The following KYNU variants were observed in gnomAD, a reference collection of about 807,000 sequenced individuals.
KYNU encodes kynureninase.
KYNU carries 54 observed loss-of-function variants against 59.2 expected under a neutral mutation model. The ratio of observed to expected loss-of-function variants is 0.91; its 90% CI spans 0.73 to 1.14. The LOEUF is 1.14. KYNU is among the 50% of genes most tolerant of loss of function. The pLI is 0.00. For synonymous variants in KYNU, 177 were observed against 192.0 expected (o/e 0.92, Z 0.65); for missense variants, 567 against 554.4 (o/e 1.02, Z -0.23).
chr2:142,989,287 C>A, intron 10 of KYNU: 1 of 698,544 alleles, frequency 1.4e-6, no homozygotes, highest in Non-Finnish European at 1.8e-6. Context: ...CCACGATTAG[C>A]TGGTTTAACT....
chr2:142,927,871 A>T (rs1683094488), intron 4 of KYNU, 130 bp downstream of exon 4: 1 of 671,516 alleles, frequency 1.5e-6, no homozygotes, highest in African/African-American at 1.8e-5. Context: ...CTATAATAGT[A>T]AAAAGGAAGT....
chr2:142,903,626 C>T (rs1031788603), intron 2 of KYNU, among the ~76,000 whole-genome samples: 1 of 152,068 alleles, frequency 6.6e-6, no homozygotes, highest in Admixed American at 6.5e-5. Context: ...CCTCCTGGCC[C>T]TCAATGGTTA....
intron 1 of KYNU, among the ~76,000 whole-genome samples, chr2:142,883,940 T>C (rs1258011932): frequency 6.6e-6 from 1 of 152,202 alleles, no homozygotes; most frequent in Non-Finnish European, 1.5e-5. Context: ...AATAAATGTA[T>C]AAATTAAATG....
At chr2:142,968,550 A>G (rs2105118062) in intron 8 of KYNU, among the ~76,000 whole-genome samples, 1 of 152,282 alleles carries the variant, frequency 6.6e-6, no homozygotes, top group Non-Finnish European at 1.5e-5. Context: ...GCATATGGTG[A>G]TGAGAATAGA....
intron 10 of KYNU, among the ~76,000 whole-genome samples, chr2:142,988,349 A>T (rs916283825): frequency 1.3e-5 from 2 of 151,926 alleles, no homozygotes; most frequent in African/African-American, 4.8e-5. Context: ...CTCAAAGTTT[A>T]TGGTTTGTGA....
chr2:142,953,604 C>A (rs1684066597), intron 4 of KYNU, among the ~76,000 whole-genome samples: 1 of 152,154 alleles, frequency 6.6e-6, no homozygotes, highest in Non-Finnish European at 1.5e-5. Flanking sequence ...ATATCCAGGA[C>A]AAATTTTATT....
chr2:142,907,179 A>C (rs771569196), intron 2 of KYNU, among the ~76,000 whole-genome samples: 7 of 152,154 alleles, frequency 4.6e-5, no homozygotes, highest in Non-Finnish European at 8.8e-5. Context: ...GGCTGCTCCC[A>C]AGATGGGGCA....
At chr2:142,991,445 T>A (rs1476911610) in intron 10 of KYNU, among the ~76,000 whole-genome samples, 2 of 151,730 alleles carry the variant, frequency 1.3e-5, no homozygotes, top group East Asian at 3.9e-4. Flanking sequence ...TCTCAGTGAG[T>A]TTTTATAGAA....
intron 8 of KYNU, among the ~76,000 whole-genome samples, chr2:142,977,199 G>A (rs1684913465): frequency 6.6e-6 from 1 of 151,952 alleles, no homozygotes; most frequent in South Asian, 2.1e-4. Flanking sequence ...CCAAGAGGAG[G>A]GGTCCATTCA....
At chr2:142,922,299 G>C (rs535002981) in intron 3 of KYNU, among the ~76,000 whole-genome samples, 1 of 152,178 alleles carries the variant, frequency 6.6e-6, no homozygotes, top group Non-Finnish European at 1.5e-5. Context: ...TCAGGAGTTT[G>C]AGACCAGCTT....
At chr2:142,989,539 A>G (rs1685328836) in intron 10 of KYNU, 2 of 962,208 alleles carry the variant, frequency 2.1e-6, no homozygotes, top group Non-Finnish European at 2.5e-6. Flanking sequence ...TCGAAATAAC[A>G]TTTCTTCTCA....
At chr2:142,924,830 G>T (rs1451912992) in intron 3 of KYNU, among the ~76,000 whole-genome samples, 1 of 152,076 alleles carries the variant, frequency 6.6e-6, no homozygotes, top group Non-Finnish European at 1.5e-5. Flanking sequence ...TGTTTATAAC[G>T]GCACTTTAAT....
chr2:142,939,197 A>G (rs1389749274), intron 4 of KYNU, among the ~76,000 whole-genome samples: 1 of 152,130 alleles, frequency 6.6e-6, no homozygotes, highest in Non-Finnish European at 1.5e-5. Flanking sequence ...GAAGAGTTGT[A>G]AACAAAAGCA....
chr2:143,040,919 T>C (rs1431325616), intron 13 of KYNU, among the ~76,000 whole-genome samples: 1 of 152,036 alleles, frequency 6.6e-6, no homozygotes, highest in Non-Finnish European at 1.5e-5. Context: ...TTCATAACAG[T>C]TTGGGCAGAA....
rs1031273928 is a variant in KYNU, at chr2:143,053,271, G to C, written c.*11099G>C. ...TGTTTCTTTCTGGAGGCTCCAGGGA[G>C]AACTCTGTTTTCTTACCTTTTCTGG... On this transcript the variant is annotated 3_prime_UTR_variant, in exon 14 of 14. Coordinates refer to ENST00000264170, the MANE Select transcript of KYNU (RefSeq NM_003937.3). The C allele has an allele frequency of 6.6e-6, 1 of 152,252 alleles. No individual in the cohort carries two copies. The highest frequency in any genetic ancestry group is 1.5e-5 in the Non-Finnish European group (1 of 68,096). 9.4% of individuals were successfully genotyped at this position (152,252 alleles called of 1,614,324 possible).
chr2:143,007,287 A>G (rs542425842), intron 10 of KYNU, among the ~76,000 whole-genome samples: 2 of 150,224 alleles, frequency 1.3e-5, no homozygotes, highest in East Asian at 1.9e-4. Flanking sequence ...CGGTGCGATC[A>G]ACTGGAAGAA....
intron 8 of KYNU, among the ~76,000 whole-genome samples, chr2:142,978,817 A>G (rs1285515874): frequency 1.3e-5 from 2 of 152,184 alleles, no homozygotes; most frequent in African/African-American, 4.8e-5. Context: ...TATTTTTCAT[A>G]CCAAATTTGC....
chr2:143,042,183 T>C lies in KYNU; in HGVS notation c.*11T>C, dbSNP rs1187434202. On this transcript the variant is annotated 3_prime_UTR_variant, in exon 14 of 14. Transcript: ENST00000264170. ...GAAACAAAAAATTAGCAGTGTTTTC[T>C]AGAACAACTTAAGCAAATTATACTG... 1.2e-6 allele frequency: 2 copies of C among 1,606,732 alleles called. No individual in the cohort carries two copies. Among genetic ancestry groups the C allele is most frequent in the Non-Finnish European group, 1.7e-6 (2 of 1,177,404 alleles).
At chr2:142,977,006 A>G (rs889883157) in intron 8 of KYNU, among the ~76,000 whole-genome samples, 3 of 152,156 alleles carry the variant, frequency 2.0e-5, no homozygotes, top group African/African-American at 2.4e-5. Context: ...GTGGACACCA[A>G]GGTTTTATCA....
Sources: gnomAD v4.1 joint callset for allele counts (sites outside exome capture counted in the v4.1 genomes callset) on GRCh38, gnomAD v4.1.1 for gene constraint, MANE v1.5 for transcripts, NCBI Gene and HGNC (gene_info 2026-07-23, HGNC 2026-07-21) for gene names.